Variants in NPAS3 observed in about 807,000 individuals in gnomAD.
The protein encoded by NPAS3 is neuronal PAS domain protein 3.
NPAS3 carries 14 observed loss-of-function variants against 73.1 expected under a neutral mutation model. That is an observed-to-expected ratio of 0.19 (90% CI 0.13 to 0.30). The LOEUF is 0.30. Ranked by LOEUF, NPAS3 falls within the 10% of genes least tolerant of loss-of-function variation. The probability of loss-of-function intolerance (pLI) is 1.00; values close to 1 mark genes in which losing one functional copy is unlikely to be tolerated. For synonymous variants in NPAS3, 620 were observed against 541.5 expected (o/e 1.14, Z -2.01); for missense variants, 1,096 against 1,250.0 (o/e 0.88, Z 1.86).
rs541057027 is a variant in NPAS3 at position 33,069,236 on chromosome 14, C to T, written c.140+13242C>T. Among the ~76,000 whole-genome samples the T allele has an allele frequency of 6.6e-5, 10 of 152,316 alleles. No homozygotes were observed. In the East Asian group the frequency reaches 7.7e-4, roughly 12 times the overall value. ...ATTGACTTTGTATTCCATGTGGTGG[C>T]ACTCAATCACATGTATGCAAATAAG... On this transcript the variant is annotated intron_variant, in intron 2 of 11. Transcript: ENST00000356141.
chr14:33,176,649 T>C (rs1254909994), intron 2 of NPAS3, among the ~76,000 whole-genome samples: 1 of 152,238 alleles, frequency 6.6e-6, no homozygotes, highest in Non-Finnish European at 1.5e-5. Context: ...TTTCCACCTT[T>C]TGGCTATTTT....
chr14:33,392,353 T>C (rs746359620), intron 4 of NPAS3, among the ~76,000 whole-genome samples: 1 of 152,162 alleles, frequency 6.6e-6, no homozygotes, highest in African/African-American at 2.4e-5. Context: ...ATGAAATAGC[T>C]ATTAGTATTC....
intron 3 of NPAS3, among the ~76,000 whole-genome samples, chr14:33,225,483 T>C (rs76189841): frequency 0.02 from 3,007 of 152,216 alleles, 48 homozygotes; most frequent in Admixed American, 0.044. Context: ...CTGTAAAGGA[T>C]CAGATAGTAA....
chr14:33,117,020 A>G (rs1286943256), intron 2 of NPAS3, among the ~76,000 whole-genome samples: 1 of 152,056 alleles, frequency 6.6e-6, no homozygotes, highest in East Asian at 1.9e-4. Flanking sequence ...CTTTCTTTAT[A>G]ATTTATGTGC....
chr14:33,158,479 C>A (rs1330248908), intron 2 of NPAS3, among the ~76,000 whole-genome samples: 1 of 151,938 alleles, frequency 6.6e-6, no homozygotes, highest in East Asian at 1.9e-4. Flanking sequence ...TGGGGTGGGG[C>A]AGACAAGAAA....
At chr14:33,192,538 C>A (rs887971404) in intron 2 of NPAS3, among the ~76,000 whole-genome samples, 2 of 152,116 alleles carry the variant, frequency 1.3e-5, no homozygotes, top group Admixed American at 1.3e-4. Flanking sequence ...CCCTTGGAAC[C>A]CCTTCTTCTT....
intron 5 of NPAS3, among the ~76,000 whole-genome samples, chr14:33,598,575 C>A (rs184635084): frequency 6.6e-6 from 1 of 152,202 alleles, no homozygotes; most frequent in East Asian, 1.9e-4. Context: ...GAATGAATTC[C>A]AAAATTACAA....
chr14:33,773,485 T>G (rs2062718256), intron 7 of NPAS3, among the ~76,000 whole-genome samples: 1 of 152,224 alleles, frequency 6.6e-6, no homozygotes, highest in African/African-American at 2.4e-5. Flanking sequence ...TTTTTACCCT[T>G]TTATGATTTT....
chr14:33,222,007 C>A (rs1023732828), intron 3 of NPAS3, among the ~76,000 whole-genome samples: 2 of 152,158 alleles, frequency 1.3e-5, no homozygotes, highest in African/African-American at 4.8e-5. Context: ...AGTGCATATT[C>A]TTAAGCTTAG....
At chr14:33,297,829 T>G (rs1348985558) in intron 3 of NPAS3, among the ~76,000 whole-genome samples, 3 of 152,176 alleles carry the variant, frequency 2.0e-5, no homozygotes, top group Non-Finnish European at 4.4e-5. Context: ...GCGTGAGAAA[T>G]GTTATTTAAC....
intron 5 of NPAS3, among the ~76,000 whole-genome samples, chr14:33,648,442 T>G (rs1416384711): frequency 6.6e-6 from 1 of 152,192 alleles, no homozygotes; most frequent in Non-Finnish European, 1.5e-5. Flanking sequence ...TTTTAAAACA[T>G]TTTTCACAGA....
intron 2 of NPAS3, among the ~76,000 whole-genome samples, chr14:33,072,077 G>C (rs754782808): frequency 6.6e-6 from 1 of 152,102 alleles, no homozygotes; most frequent in Non-Finnish European, 1.5e-5. Flanking sequence ...TTTTAGTAGA[G>C]ATGGGGTTTC....
chr14:33,308,468 T>G (rs1284922946), intron 3 of NPAS3, among the ~76,000 whole-genome samples: 1 of 149,798 alleles, frequency 6.7e-6, no homozygotes, highest in African/African-American at 2.5e-5. Flanking sequence ...AGTTTGGAAA[T>G]TTGAAAATAG....
chr14:33,179,916 A>G (rs1423396622), intron 2 of NPAS3, among the ~76,000 whole-genome samples: 1 of 152,242 alleles, frequency 6.6e-6, no homozygotes, highest in African/African-American at 2.4e-5. Context: ...AAACAACGTG[A>G]TTCTTCTATG....
intron 4 of NPAS3, among the ~76,000 whole-genome samples, chr14:33,397,964 G>A (rs2047293454): frequency 6.6e-6 from 1 of 151,978 alleles, no homozygotes; most frequent in African/African-American, 2.4e-5. Flanking sequence ...ATTTTTGTTT[G>A]GCTTCATTTT....
chr14:33,631,439 A>T (rs1430895590), intron 5 of NPAS3, among the ~76,000 whole-genome samples: 2 of 152,342 alleles, frequency 1.3e-5, no homozygotes, highest in Non-Finnish European at 2.9e-5. Context: ...AAGCCTTCAA[A>T]ACCCCATAGG....
At chr14:32,937,041 T>G (rs1187382070), upstream of NPAS3, among the ~76,000 whole-genome samples, 1 of 151,254 alleles carries the variant, frequency 6.6e-6, no homozygotes, top group Admixed American at 6.6e-5. Flanking sequence ...CTGTGAAAAA[T>G]GTAGCCTTCT....
chr14:33,491,439 G>A (rs530369682), intron 4 of NPAS3, among the ~76,000 whole-genome samples: 1 of 152,226 alleles, frequency 6.6e-6, no homozygotes, highest in South Asian at 2.1e-4. Flanking sequence ...TTTGATGATG[G>A]AAACATTCTA....
At chr14:33,345,934 T>C (rs2044705551) in intron 3 of NPAS3, among the ~76,000 whole-genome samples, 1 of 152,186 alleles carries the variant, frequency 6.6e-6, no homozygotes, top group Non-Finnish European at 1.5e-5. Context: ...ATGGGATACA[T>C]AGAAGTGTTG....
Sources: gnomAD v4.1 joint callset for allele counts (sites outside exome capture counted in the v4.1 genomes callset) on GRCh38, gnomAD v4.1.1 for gene constraint, MANE v1.5 for transcripts, NCBI Gene and HGNC (gene_info 2026-07-23, HGNC 2026-07-21) for gene names.